KREMEN2: variants seen among roughly 807,000 people sequenced by gnomAD.
The protein encoded by KREMEN2 is kremen protein 2.
In KREMEN2, 43 loss-of-function variants were observed where a neutral mutation model predicts 49.8. That is an observed-to-expected ratio of 0.86 (90% confidence interval 0.68 to 1.11). The LOEUF (loss-of-function observed/expected upper bound fraction) is 1.11. Among genes scored for constraint, KREMEN2 ranks in the 50% most tolerant of loss-of-function variants. KREMEN2 has a pLI of 0.00. For synonymous variants in KREMEN2, 355 were observed against 304.9 expected, an observed-to-expected ratio of 1.16 and a Z score of -1.71; for missense variants, 686 against 665.7, an observed-to-expected ratio of 1.03 and a Z score of -0.34.
In KREMEN2 at chr16:2,965,990, A is replaced by G. The variant is rs548566988; in HGVS notation, c.270-150A>G. 421 of 666,292 alleles carry G rather than the reference A, an allele frequency of 6.3e-4. 4 individuals are homozygous for G. In the South Asian group the frequency reaches 7.4e-3, roughly 12 times the overall value. The allele number at this position is 666,292 out of a possible 1,614,324, so 41.3% of individuals were successfully genotyped here. On this transcript the variant is annotated intron_variant, in intron 2 of 8. Transcript: ENST00000303746. The stretch of plus-strand genomic sequence containing the variant: ...TCATCAGGCAGAGTTCTGCGTAGAC[A>G]AAACTGGAATTTGTGGGTGTACAGC...
At chr16:2,965,316 C>A (rs1205831441) in intron 2 of KREMEN2, among the ~76,000 whole-genome samples, 1 of 152,136 alleles carries the variant, frequency 6.6e-6, no homozygotes, top group African/African-American at 2.4e-5. Context: ...CCCGTATGGG[C>A]GGGGCCTGGT....
chr16:2,967,346 G>C lies in KREMEN2; in HGVS notation c.1000G>C (p.Glu334Gln). 1.4e-6 allele frequency: 2 copies of C among 1,407,506 alleles called. No homozygotes were observed. The highest frequency in any genetic ancestry group is 9.2e-7 in the Non-Finnish European group (1 of 1,092,052). 87.2% of individuals were successfully genotyped at this position (1,407,506 alleles called of 1,614,324 possible). ...GCTGCAGGACGCCGCTGAGGACCCAGAGGCCCCCGAGGGCTCGGCCCAGAC... is the reference window on the plus strand; with the variant it reads ...GCTGCAGGACGCCGCTGAGGACCCACAGGCCCCCGAGGGCTCGGCCCAGAC... ...RGLQDAAEDP[E>Q]APEGSAQTPA... The change falls in exon 7 of 9, where the codon GAG becomes CAG. Residue 334 changes from glutamate to glutamine, a missense_variant. By Grantham distance (29) the Glu-to-Gln change is conservative (BLOSUM62 2). Transcript: ENST00000303746.
chr16:2,964,690 G>A lies in KREMEN2; in HGVS notation c.94+76G>A, dbSNP rs1041844736. On this transcript the variant is annotated intron_variant, in intron 1 of 8. Transcript: ENST00000303746. Reference sequence around the variant, plus strand: ...TCCGCCCCCAGGGCCAGGCCCCCAAGGCTAGGGAGGGGGACAGAGCAGGTG... The same window carrying A: ...TCCGCCCCCAGGGCCAGGCCCCCAAAGCTAGGGAGGGGGACAGAGCAGGTG... The A allele has an allele frequency of 2.5e-5, 35 of 1,421,904 alleles. No homozygotes were observed. In the Admixed American group the frequency reaches 7.5e-4, roughly 30 times the overall value. The allele number at this position is 1,421,904 out of a possible 1,614,324, so 88.1% of individuals were successfully genotyped here. A position where few individuals can be genotyped will look rare whatever the true frequency, so the allele number is the denominator to read the frequency against.
rs763915753 is a variant in KREMEN2, at chr16:2,966,731, C to T, written c.576C>T (p.Asp192=). ...RGRLAPATDC[D]QICFGHPGQL... ...GCCTGGCCCCCGCCACCGACTGTGA[C>T]CAGATCTGTTTCGGCCACCCTGGAC... The change falls in exon 5 of 9, where the codon GAC becomes GAT. Residue 192 remains aspartate (D), a synonymous_variant. Coordinates refer to ENST00000303746, the MANE Select transcript of KREMEN2 (RefSeq NM_172229.3). The surrounding 1 kb of genome is among the most constrained non-coding windows in gnomAD (Gnocchi z 8.4). 2.2e-5 allele frequency: 36 copies of T among 1,611,962 alleles called. No homozygotes were observed. The highest frequency in any genetic ancestry group is 3.3e-5 in the Admixed American group (2 of 59,990).
In KREMEN2 at chr16:2,966,874, G is replaced by T. The variant is rs760138471; in HGVS notation, c.641-36G>T. 22 of 1,556,552 alleles carry T rather than the reference G, an allele frequency of 1.4e-5. No homozygotes were observed. Among genetic ancestry groups the T allele is most frequent in the Admixed American group, 2.0e-5 (1 of 51,262 alleles). ...CCGGGCAGGGGAGCCGCCGTGTCCT[G>T]GTCCTCAGGATGCTGACTGCCGGCC... On this transcript the variant is annotated intron_variant, in intron 5 of 8. Transcript: ENST00000303746. This position sits in a 1 kb window ranked among gnomAD's most constrained non-coding sequence, Gnocchi z 8.4.
chr16:2,967,393 G>C lies in KREMEN2; in HGVS notation c.1047G>C (p.Gly349=), dbSNP rs1296421961. Residue 349 remains glycine (G), a synonymous_variant, in exon 7 of 9, where the codon GGG becomes GGC. Coordinates refer to ENST00000303746, the MANE Select transcript of KREMEN2 (RefSeq NM_172229.3). The stretch of plus-strand genomic sequence containing the variant: ...AGACCCCCGCGGCGCCCCTCGACGG[G>C]GCCAACGTGAGCTGCAGCCCCAGGC... ...SAQTPAAPLD[G]ANVSCSPRPG... The C allele has an allele frequency of 2.1e-6, 3 of 1,398,574 alleles. No individual in the cohort carries two copies. Among genetic ancestry groups the C allele is most frequent in the Non-Finnish European group, 2.8e-6 (3 of 1,088,736 alleles). 86.6% of individuals were successfully genotyped at this position (1,398,574 alleles called of 1,614,324 possible). A position where few individuals can be genotyped will look rare whatever the true frequency, so the allele number is the denominator to read the frequency against.
In KREMEN2 at chr16:2,968,248, T is replaced by C; in HGVS notation, c.*228T>C. On this transcript the variant is annotated 3_prime_UTR_variant, in exon 9 of 9. Transcript: ENST00000303746. ...CTCTCCATGGACCTGTATGTGGGGG[T>C]GGTCTCTGGTTTCGGAGGTCTTTGA... is the stretch of plus-strand genomic sequence containing the variant. 2 of 986,772 alleles carry C rather than the reference T, an allele frequency of 2.0e-6. No individual in the cohort carries two copies. The highest frequency in any genetic ancestry group is 3.0e-6 in the Non-Finnish European group (2 of 661,444). The allele number at this position is 986,772 out of a possible 1,614,324, so 61.1% of individuals were successfully genotyped here.
intron 2 of KREMEN2, among the ~76,000 whole-genome samples, chr16:2,965,598 C>A (rs149431000): frequency 6.6e-6 from 1 of 152,218 alleles, no homozygotes; most frequent in East Asian, 1.9e-4. Flanking sequence ...GGTGAAACCC[C>A]ATTTCTACTA....
chr16:2,965,100 G>T (rs1477416783), intron 2 of KREMEN2, 67 bp downstream of exon 2: 1 of 1,223,764 alleles, frequency 8.2e-7, no homozygotes, highest in Non-Finnish European at 1.1e-6. Context: ...CCGAAGCGGG[G>T]CCTCCGTGCG....
rs777106465 is a variant in KREMEN2 at position 2,964,497 on chromosome 16, G to A, written c.-24G>A. ...CAGCCCGGGCCGTGTCCGGGCGAGG[G>A]TGACCTATCCTTGGTTGAGAGCGAT... On this transcript the variant is annotated 5_prime_UTR_variant, in exon 1 of 9. In the 5' UTR this introduces an upstream ATG that the reference lacks. Transcript: ENST00000303746. 28 of 1,523,476 alleles carry A rather than the reference G, an allele frequency of 1.8e-5. No homozygotes were observed. The highest frequency in any genetic ancestry group is 7.9e-6 in the Non-Finnish European group (9 of 1,133,448). The allele number at this position is 1,523,476 out of a possible 1,614,324, so 94.4% of individuals were successfully genotyped here.
chr16:2,966,136 G>C lies in KREMEN2; in HGVS notation c.270-4G>C. 1 of 1,608,556 alleles carries C rather than the reference G, an allele frequency of 6.2e-7. No individual in the cohort carries two copies. The highest frequency in any genetic ancestry group is 2.2e-5 in the East Asian group (1 of 44,818). On this transcript the variant is annotated splice_polypyrimidine_tract_variant and splice_region_variant and intron_variant, in intron 2 of 8. Transcript: ENST00000303746. This position sits in a 1 kb window ranked among gnomAD's most constrained non-coding sequence, Gnocchi z 8.4. ...GAGCCCCACCACCTCCCTCCCACCC[G>C]CAGTAACCCAGACGGTGACGTGCAG...
At position 2,966,795 on chromosome 16, in the gene KREMEN2, G is replaced by T; in HGVS notation, c.640G>T (p.Val214Leu). ...CGATGGGCGGCTGGGCGTCTATGAAGGTGAGGAGTGGGCGGGGACCAGGGG... is the reference window on the plus strand; with the variant it reads ...CGATGGGCGGCTGGGCGTCTATGAATGTGAGGAGTGGGCGGGGACCAGGGG... ...GGDGRLGVYEVSVGSCQGNWT... is the reference protein window; with the variant it reads ...GGDGRLGVYELSVGSCQGNWT... The change falls in exon 5 of 9, where the codon GTG becomes TTG. Residue 214 changes from valine (V) to leucine (L), a missense_variant and splice_region_variant. By Grantham distance (32) the Val-to-Leu change is conservative (BLOSUM62 1). Coordinates refer to ENST00000303746, the MANE Select transcript of KREMEN2 (RefSeq NM_172229.3). This position sits in a 1 kb window ranked among gnomAD's most constrained non-coding sequence, Gnocchi z 8.4. 1 of 1,600,878 alleles carries T rather than the reference G, an allele frequency of 6.2e-7. No homozygotes were observed. Among genetic ancestry groups the T allele is most frequent in the Non-Finnish European group, 8.5e-7 (1 of 1,171,176 alleles).
intron 7 of KREMEN2, 39 bp from the exon 8 acceptor site, chr16:2,967,487 C>A (rs1383947235): frequency 6.0e-6 from 9 of 1,494,060 alleles, no homozygotes; most frequent in Non-Finnish European, 8.0e-6. Context: ...AGGGAGCCGC[C>A]CCCTCGCGCC....
intron 8 of KREMEN2, 102 bp downstream of exon 8, chr16:2,967,706 G>C (rs2151057739): frequency 6.5e-7 from 1 of 1,548,280 alleles, no homozygotes; most frequent in Middle Eastern, 1.7e-4. Context: ...TCTTAAGGGA[G>C]CGAGGCTTTG....
rs2071789029 is a variant in KREMEN2, at chr16:2,964,978, A to G, written c.214A>G (p.Ser72Gly). The G allele has an allele frequency of 6.3e-7, 1 of 1,575,260 alleles. No homozygotes were observed. Among genetic ancestry groups the G allele is most frequent in the Non-Finnish European group, 8.6e-7 (1 of 1,161,822 alleles). The stretch of plus-strand genomic sequence containing the variant: ...GGACCAGACGCAGCAACACAGCTAC[A>G]GCAGCGCCAGCGACCCCCACGGCCG... The part of the protein sequence containing the change: ...FWDQTQQHSY[S>G]SASDPHGRWG... The change falls in exon 2 of 9, where the codon AGC becomes GGC. Residue 72 changes from serine (S) to glycine (G), a missense_variant. Coordinates refer to ENST00000303746, the MANE Select transcript of KREMEN2 (RefSeq NM_172229.3).
At chr16:2,964,696 G>A (rs904209639) in intron 1 of KREMEN2, 82 bp downstream of exon 1, 3 of 1,414,064 alleles carry the variant, frequency 2.1e-6, no homozygotes, top group Non-Finnish European at 2.9e-6. Flanking sequence ...CCAAGGCTAG[G>A]GAGGGGGACA....
At chr16:2,965,247 A>C (rs1438814925) in intron 2 of KREMEN2, among the ~76,000 whole-genome samples, 1 of 151,878 alleles carries the variant, frequency 6.6e-6, no homozygotes, top group East Asian at 1.9e-4. Flanking sequence ...TCAGGTGAAC[A>C]ATTTCTGCAG....
chr16:2,967,244 T>A lies in KREMEN2; in HGVS notation c.973+2T>A. ...AAGGCTTCGCGCTCACCTACCGCGG[T>A]GAGCCTCAGCTCGGCGCGCCCTGCC... On this transcript the variant is annotated splice_donor_variant, in intron 6 of 8. Transcript: ENST00000303746. LOFTEE classifies it high-confidence loss of function. 7.4e-7 allele frequency: 1 copy of A among 1,351,520 alleles called. No individual in the cohort carries two copies. The allele number at this position is 1,351,520 out of a possible 1,614,324, so 83.7% of individuals were successfully genotyped here.
chr16:2,966,853 G>C lies in KREMEN2; in HGVS notation c.641-57G>C, dbSNP rs1387579764. The stretch of plus-strand genomic sequence containing the variant: ...GGGCCTCGAGGTGGGGCCTGGCCGG[G>C]CAGGGGAGCCGCCGTGTCCTGGTCC... On this transcript the variant is annotated intron_variant, in intron 5 of 8. Coordinates refer to ENST00000303746, the MANE Select transcript of KREMEN2 (RefSeq NM_172229.3). This position sits in a 1 kb window ranked among gnomAD's most constrained non-coding sequence, Gnocchi z 8.4. 1.3e-6 allele frequency: 2 copies of C among 1,578,526 alleles called. No individual in the cohort carries two copies. The highest frequency in any genetic ancestry group is 3.6e-5 in the Admixed American group (2 of 54,890).
Sources: gnomAD v4.1 joint callset for allele counts (sites outside exome capture counted in the v4.1 genomes callset) on GRCh38, gnomAD v4.1.1 for gene constraint, Gnocchi (gnomAD v3.1) non-coding constraint, MANE v1.5 for transcripts, NCBI Gene and HGNC (gene_info 2026-07-23, HGNC 2026-07-21) for gene names.